The following DACH2 variants were observed in gnomAD, a reference collection of about 807,000 sequenced individuals.
DACH2 encodes the protein dachshund family transcription factor 2, also known as dachshund homolog 2.
DACH2 carries 17 observed loss-of-function variants against 35.8 expected under a neutral mutation model. The ratio of observed to expected loss-of-function variants is 0.48; its 90% confidence interval spans 0.33 to 0.71. DACH2 has a LOEUF of 0.71. Ranked by LOEUF, DACH2 falls within the 30% of genes least tolerant of loss-of-function variation. DACH2 has a pLI of 0.02. For missense variants in DACH2, 469 were observed against 472.7 expected (o/e 0.99, Z 0.07); for synonymous variants, 195 against 177.3 (o/e 1.10, Z -0.79).
intron 7 of DACH2, among the ~76,000 whole-genome samples, chrX:86,790,454 T>C (rs2042176684): frequency 8.9e-6 from 1 of 112,515 alleles, no homozygotes; most frequent in African/African-American, 3.2e-5. Flanking sequence ...AAATCCACTT[T>C]ACATTGTAAA....
intron 7 of DACH2, among the ~76,000 whole-genome samples, chrX:86,769,208 A>T (rs1423102214): frequency 1.1e-4 from 12 of 111,974 alleles, no homozygotes; most frequent in African/African-American, 3.9e-4. Flanking sequence ...AACAAAATAG[A>T]TATCTAGGAA....
chrX:86,404,365 G>T (rs1425051418), intron 2 of DACH2, among the ~76,000 whole-genome samples: 2 of 111,932 alleles, frequency 1.8e-5, no homozygotes, highest in Non-Finnish European at 3.8e-5. Context: ...ATACAATGAG[G>T]GTACAGGCAT....
intron 3 of DACH2, among the ~76,000 whole-genome samples, chrX:86,545,377 A>G (rs775024996): frequency 9.0e-6 from 1 of 110,986 alleles, no homozygotes; most frequent in East Asian, 2.9e-4. Flanking sequence ...CAAAGAAGGG[A>G]GCAACAGACA....
chrX:86,826,090 C>A (rs914929339), intron 11 of DACH2, among the ~76,000 whole-genome samples: 1 of 111,076 alleles, frequency 9.0e-6, no homozygotes, highest in Non-Finnish European at 1.9e-5. Context: ...AACTATTTGG[C>A]CTATAAGTGA....
chrX:86,723,397 T>C (rs1363576685), intron 6 of DACH2, among the ~76,000 whole-genome samples: 1 of 110,091 alleles, frequency 9.1e-6, no homozygotes, highest in African/African-American at 3.3e-5. Flanking sequence ...GTTGATAATT[T>C]GTAAGCTTTC....
intron 2 of DACH2, among the ~76,000 whole-genome samples, chrX:86,418,928 C>A (rs2036754342): frequency 8.9e-6 from 1 of 111,927 alleles, no homozygotes; most frequent in African/African-American, 3.2e-5. Context: ...ATTTCTTCTG[C>A]CAGATACCCT....
intron 2 of DACH2, among the ~76,000 whole-genome samples, chrX:86,438,221 T>A (rs985590415): frequency 8.3e-5 from 8 of 96,210 alleles, no homozygotes; most frequent in African/African-American, 2.4e-4. Context: ...TCTCGTAGGT[T>A]TTTTTTTTTT....
Position 86,586,395 on chromosome X carries a change from T to C in DACH2, c.641-64641T>C, listed in dbSNP as rs191895256. On this transcript the variant is annotated intron_variant, in intron 3 of 11. Coordinates refer to ENST00000373125, the MANE Select transcript of DACH2 (RefSeq NM_053281.3). ...TTACTCCGTTGGTAGTTTCTTTTGC[T>C]ATGGAAAAGCTCTCTAGTTTAATTA... Among the ~76,000 whole-genome samples, 212 of 111,943 alleles carry C rather than the reference T, an allele frequency of 1.9e-3. 1 individual carries two copies. Among genetic ancestry groups the C allele is most frequent in the African/African-American group, 6.6e-3 (205 of 30,857 alleles).
In DACH2 at chrX:86,809,440, A is replaced by T. The variant is rs375724115; in HGVS notation, c.1241-3416A>T. Among the ~76,000 whole-genome samples, 39 of 111,182 alleles carry T rather than the reference A, an allele frequency of 3.5e-4. No individual in the cohort carries two copies. In the East Asian group the frequency reaches 8.8e-3, roughly 25 times the overall value. On this transcript the variant is annotated intron_variant, in intron 7 of 11. Transcript: ENST00000373125. Reference sequence around the variant, plus strand: ...AAATTCAGATGCTGTTCAGATGTAAAAATATATTACAAGATTGAAATTGAT... The same window carrying T: ...AAATTCAGATGCTGTTCAGATGTAATAATATATTACAAGATTGAAATTGAT...
intron 3 of DACH2, among the ~76,000 whole-genome samples, chrX:86,632,635 G>T (rs7876992): frequency 0.046 from 5,137 of 110,512 alleles, 292 homozygotes; most frequent in African/African-American, 0.16. Flanking sequence ...GGAAAACTTG[G>T]TATTCACTTC....
At chrX:86,539,184 G>T (rs766001112) in intron 3 of DACH2, among the ~76,000 whole-genome samples, 2 of 110,867 alleles carry the variant, frequency 1.8e-5, no homozygotes, top group East Asian at 2.9e-4. Flanking sequence ...TAGTGAATGA[G>T]TTCTCATGGG....
intron 7 of DACH2, among the ~76,000 whole-genome samples, chrX:86,798,209 A>G (rs753097704): frequency 8.9e-6 from 1 of 112,138 alleles, no homozygotes; most frequent in Non-Finnish European, 1.9e-5. Context: ...CAAATGAATC[A>G]TTACCACTAT....
intron 1 of DACH2, among the ~76,000 whole-genome samples, chrX:86,300,803 A>G (rs2034561872): frequency 8.9e-6 from 1 of 112,331 alleles, no homozygotes. Flanking sequence ...TTATAGTTAT[A>G]TTAGTCAGGG....
chrX:86,153,096 C>A (rs1306312581), intron 1 of DACH2, among the ~76,000 whole-genome samples: 2 of 111,181 alleles, frequency 1.8e-5, no homozygotes, highest in African/African-American at 6.5e-5. Context: ...ATTTCATGAC[C>A]AGCATTTAAT....
chrX:86,329,907 A>G (rs969248539), intron 1 of DACH2, among the ~76,000 whole-genome samples: 1 of 111,004 alleles, frequency 9.0e-6, no homozygotes, highest in African/African-American at 3.3e-5. Flanking sequence ...GTGTTCAGGA[A>G]CTCTCTTAGG....
intron 7 of DACH2, among the ~76,000 whole-genome samples, chrX:86,802,305 C>T (rs1325399360): frequency 9.0e-6 from 1 of 110,511 alleles, no homozygotes; most frequent in African/African-American, 3.3e-5. Flanking sequence ...ACTTTCAGTG[C>T]ATTCTTATGC....
intron 1 of DACH2, among the ~76,000 whole-genome samples, chrX:86,253,036 G>T (rs2033433546): frequency 9.1e-6 from 1 of 110,268 alleles, no homozygotes; most frequent in Non-Finnish European, 1.9e-5. Flanking sequence ...CCTCCAAAAG[G>T]CCCCTAGAAC....
At chrX:86,159,931 G>C (rs1169456402) in intron 1 of DACH2, among the ~76,000 whole-genome samples, 1 of 109,842 alleles carries the variant, frequency 9.1e-6, no homozygotes, top group Admixed American at 9.7e-5. Flanking sequence ...ACTTTTTTCT[G>C]ATTAAACTCT....
intron 2 of DACH2, among the ~76,000 whole-genome samples, chrX:86,407,815 A>G (rs1265322636): frequency 1.8e-5 from 2 of 112,365 alleles, no homozygotes; most frequent in Non-Finnish European, 3.8e-5. Flanking sequence ...AGAATCTGTG[A>G]TAACTGAGCA....
Sources: gnomAD v4.1 joint callset for allele counts (sites outside exome capture counted in the v4.1 genomes callset) on GRCh38, gnomAD v4.1.1 for gene constraint, MANE v1.5 for transcripts, NCBI Gene and HGNC (gene_info 2026-07-23, HGNC 2026-07-21) for gene names.